SYCN: variants seen among roughly 807,000 people sequenced by gnomAD.
SYCN encodes syncollin.
In SYCN, 16 loss-of-function variants were observed where a neutral mutation model predicts 12.6. That is an observed-to-expected ratio of 1.27 (90% CI 0.86 to 1.92). The LOEUF (loss-of-function observed/expected upper bound fraction) is 1.92. Among genes scored for constraint, SYCN ranks in the 30% most tolerant of loss-of-function variants. SYCN has a pLI of 0.00. For synonymous variants in SYCN, 97 were observed against 88.4 expected, an observed-to-expected ratio of 1.10 and a Z score of -0.55; for missense variants, 226 against 181.8, an observed-to-expected ratio of 1.24 and a Z score of -1.40.
rs199698694 is a variant in SYCN, at chr19:39,203,872, G to A, written c.383C>T (p.Ala128Val). The change falls in exon 1 of 2, where the codon GCG becomes GTG. Residue 128 changes from alanine to valine, a missense_variant. Coordinates refer to ENST00000318438, the MANE Select transcript of SYCN (RefSeq NM_001080468.4). ...ILGDWSNAIS[A>V]LYCRCS ...GGCGGCCGGGCACCTGCAGTAGAGC[G>A]CGGAGATAGCGTTGGACCAGTCTCC... The A allele has an allele frequency of 1.3e-6, 2 of 1,596,980 alleles. No individual in the cohort carries two copies. The highest frequency in any genetic ancestry group is 8.6e-7 in the Non-Finnish European group (1 of 1,169,482).
At position 39,204,064 on chromosome 19, in the gene SYCN, G is replaced by A. The variant is rs2074800475; in HGVS notation, c.191C>T (p.Ala64Val). Residue 64 changes from alanine (A) to valine (V), a missense_variant, in exon 1 of 2, where the codon GCA becomes GTA. Coordinates refer to ENST00000318438, the MANE Select transcript of SYCN (RefSeq NM_001080468.4). ...GGAELSLESGADLPYLPSNWA... is the reference protein window; with the variant it reads ...GGAELSLESGVDLPYLPSNWA... ...GTTGGAGGGCAGGTAGGGCAGGTCT[G>A]CGCCCGACTCCAGCGACAGCTCGGC... is the stretch of plus-strand genomic sequence containing the variant. 5.0e-6 allele frequency: 8 copies of A among 1,612,894 alleles called. No individual in the cohort carries two copies. Among genetic ancestry groups the A allele is most frequent in the African/African-American group, 2.7e-5 (2 of 75,048 alleles).
chr19:39,204,034 G>A lies in SYCN; in HGVS notation c.221C>T (p.Ala74Val), dbSNP rs746147487. ...ADLPYLPSNW[A>V]NTASSLVVAP... is the part of the protein sequence containing the mutation. The stretch of plus-strand genomic sequence containing the variant: ...CACCACAAGTGAGGAGGCGGTGTTG[G>A]CCCAGTTGGAGGGCAGGTAGGGCAG... Residue 74 changes from alanine (A) to valine (V), a missense_variant, in exon 1 of 2, where the codon GCC (alanine) becomes GTC (valine). Physicochemically the swap from Ala to Val is moderately conservative, Grantham distance 64 (BLOSUM62 0). Coordinates refer to ENST00000318438, the MANE Select transcript of SYCN (RefSeq NM_001080468.4). The A allele has an allele frequency of 1.2e-6, 2 of 1,612,226 alleles. No homozygotes were observed. Among genetic ancestry groups the A allele is most frequent in the African/African-American group, 1.3e-5 (1 of 74,896 alleles).
In SYCN at chr19:39,204,192, G is replaced by A; in HGVS notation, c.63C>T (p.Gly21=). ...TGAGGTCGGCGGAGGCGGGGCAGGC[G>A]CCCTGGGCGCAAGGCACGGAGGCAA... ...LALASVPCAQ[G]ACPASADLKH... Residue 21 remains glycine, a synonymous_variant, in exon 1 of 2, where the codon GGC becomes GGT. Coordinates refer to ENST00000318438, the MANE Select transcript of SYCN (RefSeq NM_001080468.4). 6.2e-7 allele frequency: 1 copy of A among 1,609,866 alleles called. No individual in the cohort carries two copies. Among genetic ancestry groups the A allele is most frequent in the Non-Finnish European group, 8.5e-7 (1 of 1,179,166 alleles).
Position 39,202,923 on chromosome 19 carries a change from A to C in SYCN, c.*64T>G, listed in dbSNP as rs1434567613. 6.4e-7 allele frequency: 1 copy of C among 1,558,664 alleles called. No individual in the cohort carries two copies. The highest frequency in any genetic ancestry group is 2.4e-5 in the East Asian group (1 of 42,104). On this transcript the variant is annotated 3_prime_UTR_variant, in exon 2 of 2. Transcript: ENST00000318438. ...GTCTTGGGGCCCCGGAGCAGAGCCC[A>C]GGGATGGGCTGAGTGAGGGGCTTGG...
In SYCN at chr19:39,203,988, G is replaced by C. The variant is rs2074799691; in HGVS notation, c.267C>G (p.Thr89=). Residue 89 remains threonine (T), a synonymous_variant, in exon 1 of 2, where the codon ACC becomes ACG. Coordinates refer to ENST00000318438, the MANE Select transcript of SYCN (RefSeq NM_001080468.4). ...CCGCCTTGCCTTGCCGGGACCACACGGTGAGCTCGCAGCGCGGGGCCACCA... is the reference window on the plus strand; with the variant it reads ...CCGCCTTGCCTTGCCGGGACCACACCGTGAGCTCGCAGCGCGGGGCCACCA... The part of the protein sequence containing the change: ...SLVVAPRCEL[T]VWSRQGKAGK... The C allele has an allele frequency of 5.0e-6, 8 of 1,609,934 alleles. No homozygotes were observed. The highest frequency in any genetic ancestry group is 1.7e-5 in the Admixed American group (1 of 59,342).
At position 39,204,059 on chromosome 19, in the gene SYCN, G is replaced by A. The variant is rs774120074; in HGVS notation, c.196C>T (p.Leu66=). Residue 66 remains leucine (L), a synonymous_variant, in exon 1 of 2, where the codon CTG becomes TTG. Coordinates refer to ENST00000318438, the MANE Select transcript of SYCN (RefSeq NM_001080468.4). ...AELSLESGAD[L]PYLPSNWANT... ...GCCCAGTTGGAGGGCAGGTAGGGCA[G>A]GTCTGCGCCCGACTCCAGCGACAGC... 1.9e-6 allele frequency: 3 copies of A among 1,612,920 alleles called. No individual in the cohort carries two copies. Among genetic ancestry groups the A allele is most frequent in the Admixed American group, 1.7e-5 (1 of 59,934 alleles).
chr19:39,203,530 C>G (rs2074796876), intron 1 of SYCN, among the ~76,000 whole-genome samples: 1 of 151,924 alleles, frequency 6.6e-6, no homozygotes, highest in African/African-American at 2.4e-5. Flanking sequence ...GGAAGTACAG[C>G]TGTGGGCGGG....
In SYCN at chr19:39,202,940, G is replaced by A. The variant is rs989006675; in HGVS notation, c.*47C>T. On this transcript the variant is annotated 3_prime_UTR_variant, in exon 2 of 2. Coordinates refer to ENST00000318438, the MANE Select transcript of SYCN (RefSeq NM_001080468.4). ...CAGAGCCCAGGGATGGGCTGAGTGA[G>A]GGGCTTGGCACTCTGTGGAAGCTGC... 6 of 1,571,868 alleles carry A rather than the reference G, an allele frequency of 3.8e-6. No individual in the cohort carries two copies. Among genetic ancestry groups the A allele is most frequent in the African/African-American group, 2.7e-5 (2 of 73,896 alleles).
chr19:39,203,740 G>A, intron 1 of SYCN, 120 bp downstream of exon 1: 5 of 1,226,158 alleles, frequency 4.1e-6, no homozygotes, highest in Non-Finnish European at 5.5e-6. Flanking sequence ...GGTGCTCCCT[G>A]TTACAGTCGG....
Position 39,204,222 on chromosome 19 carries a change from C to T in SYCN, c.33G>A (p.Leu11=). 2.5e-6 allele frequency: 4 copies of T among 1,596,110 alleles called. No homozygotes were observed. The highest frequency in any genetic ancestry group is 3.4e-6 in the Non-Finnish European group (4 of 1,173,780). The change falls in exon 1 of 2, where the codon CTG becomes CTA. Residue 11 remains leucine (L), a synonymous_variant. Coordinates refer to ENST00000318438, the MANE Select transcript of SYCN (RefSeq NM_001080468.4). The part of the protein sequence containing the change: MSPLRPLLLA[L]ALASVPCAQG... ...GGGCGCAAGGCACGGAGGCAAGGGC[C>T]AGGGCCAGCAGCAGCGGGCGCAGCG...
At position 39,204,118 on chromosome 19, in the gene SYCN, T is replaced by A. The variant is rs1279783649; in HGVS notation, c.137A>T (p.Asp46Val). The change falls in exon 1 of 2, where the codon GAC (aspartate) becomes GTC (valine). Residue 46 changes from aspartate (D) to valine (V), a missense_variant. Physicochemically the swap from Asp to Val is radical, Grantham distance 152. Coordinates refer to ENST00000318438, the MANE Select transcript of SYCN (RefSeq NM_001080468.4). ...RTCAKLYDKSDPYYENCCGGA... is the reference protein window; with the variant it reads ...RTCAKLYDKSVPYYENCCGGA... ...CCCGCAGCAGTTCTCATAGTAGGGG[T>A]CGCTCTTGTCATAGAGCTTGGCGCA... 6.2e-7 allele frequency: 1 copy of A among 1,612,838 alleles called. No individual in the cohort carries two copies. The highest frequency in any genetic ancestry group is 1.7e-5 in the Admixed American group (1 of 59,980).
chr19:39,204,208 A>T lies in SYCN; in HGVS notation c.47T>A (p.Val16Glu). The change falls in exon 1 of 2, where the codon GTG (valine) becomes GAG (glutamate). Residue 16 changes from valine (V) to glutamate (E), a missense_variant. Coordinates refer to ENST00000318438, the MANE Select transcript of SYCN (RefSeq NM_001080468.4). ...PLLLALALAS[V>E]PCAQGACPAS... is the part of the protein sequence containing the mutation. ...GGGGCAGGCGCCCTGGGCGCAAGGC[A>T]CGGAGGCAAGGGCCAGGGCCAGCAG... 6.2e-7 allele frequency: 1 copy of T among 1,607,614 alleles called. No homozygotes were observed. Among genetic ancestry groups the T allele is most frequent in the Non-Finnish European group, 8.5e-7 (1 of 1,178,576 alleles).
At chr19:39,203,735 T>A (rs1406124478) in intron 1 of SYCN, 125 bp downstream of exon 1, 1 of 1,178,942 alleles carries the variant, frequency 8.5e-7, no homozygotes, top group Non-Finnish European at 1.2e-6. Flanking sequence ...GGCCTGGTGC[T>A]CCCTGTTACA....
chr19:39,203,684 G>A (rs1274836059), intron 1 of SYCN, among the ~76,000 whole-genome samples, 176 bp downstream of exon 1: 5 of 151,970 alleles, frequency 3.3e-5, no homozygotes, highest in Non-Finnish European at 7.4e-5. Flanking sequence ...TGGTTTGGGT[G>A]AGGACTCTGA....
intron 1 of SYCN, among the ~76,000 whole-genome samples, chr19:39,203,394 T>C (rs2074796380): frequency 6.6e-6 from 1 of 151,680 alleles, no homozygotes; most frequent in African/African-American, 2.4e-5. Flanking sequence ...AGGTCTGGGT[T>C]AGTTTTGGAG....
chr19:39,203,731 G>A (rs970444685), intron 1 of SYCN, 129 bp downstream of exon 1: 13 of 1,145,600 alleles, frequency 1.1e-5, no homozygotes, highest in Admixed American at 3.1e-5. Context: ...GGGAGGCCTG[G>A]TGCTCCCTGT....
chr19:39,203,775 C>T, intron 1 of SYCN, 85 bp downstream of exon 1: 2 of 1,449,700 alleles, frequency 1.4e-6, no homozygotes, highest in South Asian at 1.4e-5. Flanking sequence ...GGAGCAGCCT[C>T]GGGGCTTGGG....
rs2074801061 is a variant in SYCN at position 39,204,132 on chromosome 19, G to C, written c.123C>G (p.Leu41=). 2 of 1,612,980 alleles carry C rather than the reference G, an allele frequency of 1.2e-6. No individual in the cohort carries two copies. The highest frequency in any genetic ancestry group is 1.7e-6 in the Non-Finnish European group (2 of 1,179,740). The change falls in exon 1 of 2, where the codon CTC becomes CTG. Residue 41 remains leucine, a synonymous_variant. Coordinates refer to ENST00000318438, the MANE Select transcript of SYCN (RefSeq NM_001080468.4). ...HSDGTRTCAK[L]YDKSDPYYEN... is the part of the protein sequence containing the mutation. ...CATAGTAGGGGTCGCTCTTGTCATA[G>C]AGCTTGGCGCAAGTGCGCGTCCCGT...
rs2144936254 is a variant in SYCN at position 39,202,941 on chromosome 19, G to A, written c.*46C>T. On this transcript the variant is annotated 3_prime_UTR_variant, in exon 2 of 2. Transcript: ENST00000318438. ...AGAGCCCAGGGATGGGCTGAGTGAG[G>A]GGCTTGGCACTCTGTGGAAGCTGCA... 3 of 1,572,456 alleles carry A rather than the reference G, an allele frequency of 1.9e-6. No homozygotes were observed. The highest frequency in any genetic ancestry group is 2.6e-6 in the Non-Finnish European group (3 of 1,160,680).
Sources: gnomAD v4.1 joint callset for allele counts (sites outside exome capture counted in the v4.1 genomes callset) on GRCh38, gnomAD v4.1.1 for gene constraint, MANE v1.5 for transcripts, NCBI Gene and HGNC (gene_info 2026-07-23, HGNC 2026-07-21) for gene names.